The following NRG1 variants were observed in gnomAD, a reference collection of about 807,000 sequenced individuals.
NRG1 encodes the protein neuregulin 1.
A neutral mutation model predicts 63.8 loss-of-function variants in NRG1; 18 were observed. The observed-to-expected ratio is 0.28, with a 90% CI of 0.19 to 0.42. NRG1 has a LOEUF of 0.42. Ranked by LOEUF, NRG1 falls within the 10% of genes least tolerant of loss-of-function variation. The pLI is 1.00. For synonymous variants in NRG1, 302 were observed against 301.3 expected, an observed-to-expected ratio of 1.00 and a Z score of -0.02; for missense variants, 762 against 814.7, an observed-to-expected ratio of 0.94 and a Z score of 0.79.
chr8:32,404,982 C>G (rs951592110), intron 1 of NRG1, among the ~76,000 whole-genome samples: 1 of 152,158 alleles, frequency 6.6e-6, no homozygotes, highest in Non-Finnish European at 1.5e-5. Context: ...GCAAAAAGCT[C>G]TTTTCACGTC....
intron 1 of NRG1, among the ~76,000 whole-genome samples, chr8:32,520,323 C>CTT (rs554244569): frequency 2.1e-5 from 3 of 140,232 alleles, no homozygotes; most frequent in Admixed American, 7.2e-5. Context: ...TGTCCAGCTA[C>CTT]TTTTTTTTTT....
chr8:31,944,430 A>G (rs1045003563), intron 1 of NRG1, among the ~76,000 whole-genome samples: 6 of 152,216 alleles, frequency 3.9e-5, no homozygotes, highest in Admixed American at 3.9e-4. Context: ...GCACACAGCT[A>G]GTAAGAGACA....
intron 1 of NRG1, among the ~76,000 whole-genome samples, chr8:32,008,745 G>C (rs751958517): frequency 6.6e-6 from 1 of 152,080 alleles, no homozygotes; most frequent in Non-Finnish European, 1.5e-5. Context: ...CCCTCTGCTA[G>C]TTTTCTGAAG....
chr8:31,871,025 C>T (rs577832688), intron 1 of NRG1, among the ~76,000 whole-genome samples: 213 of 147,100 alleles, frequency 1.4e-3, no homozygotes, highest in Non-Finnish European at 1.8e-3. Context: ...TTTTTTGAGA[C>T]GGAGTCTCAC....
At position 32,623,396 on chromosome 8, in the gene NRG1, T is replaced by C. The variant is rs774211515; in HGVS notation, c.502+6511T>C. Among the ~76,000 whole-genome samples, 23 of 152,250 alleles carry C rather than the reference T, an allele frequency of 1.5e-4. 1 individual carries two copies. Among genetic ancestry groups the C allele is most frequent in the Non-Finnish European group, 2.9e-4 (20 of 68,042 alleles). ...TTTCAGATGTTTATTGGTCATAACA[T>C]GTGAACCTCTCCTGCCACTGTTGGA... On this transcript the variant is annotated intron_variant, in intron 5 of 11. Coordinates refer to ENST00000356819, the Ensembl canonical transcript of NRG1.
intron 1 of NRG1, among the ~76,000 whole-genome samples, chr8:32,161,722 A>G (rs1303573157): frequency 1.3e-5 from 2 of 152,202 alleles, no homozygotes; most frequent in African/African-American, 4.8e-5. Flanking sequence ...TAAAGAGGAT[A>G]CTCAGGAATC....
intron 1 of NRG1, among the ~76,000 whole-genome samples, chr8:32,384,794 T>C (rs1810775532): frequency 6.6e-6 from 1 of 152,240 alleles, no homozygotes; most frequent in South Asian, 2.1e-4. Flanking sequence ...TAAATCTTGA[T>C]GGATTCAAAA....
At chr8:32,286,736 C>T (rs1215531333) in intron 1 of NRG1, among the ~76,000 whole-genome samples, 1 of 152,276 alleles carries the variant, frequency 6.6e-6, no homozygotes, top group South Asian at 2.1e-4. Flanking sequence ...CGGTGGCTCA[C>T]GCCTGTAATC....
At chr8:32,407,187 G>C (rs1814109824) in intron 1 of NRG1, among the ~76,000 whole-genome samples, 1 of 150,028 alleles carries the variant, frequency 6.7e-6, no homozygotes, top group Admixed American at 6.7e-5. Flanking sequence ...TAAAATTAGT[G>C]TACAAATATT....
In NRG1 at chr8:32,656,583, A is replaced by G. The variant is rs560560188; in HGVS notation, c.502+39698A>G. Reference sequence around the variant, plus strand: ...AAAAATGTATAGTAGTGGGCATAATATATGTATTTTTATTTATTCTTTAAA... The same window carrying G: ...AAAAATGTATAGTAGTGGGCATAATGTATGTATTTTTATTTATTCTTTAAA... On this transcript the variant is annotated intron_variant, in intron 5 of 11. Coordinates refer to ENST00000356819, the Ensembl canonical transcript of NRG1. Among the ~76,000 whole-genome samples, 20 of 152,274 alleles carry G rather than the reference A, an allele frequency of 1.3e-4. No homozygotes were observed. In the South Asian group the frequency reaches 3.1e-3, roughly 24 times the overall value.
At chr8:31,673,819 C>T (rs1807400346) in intron 1 of NRG1, among the ~76,000 whole-genome samples, 1 of 151,946 alleles carries the variant, frequency 6.6e-6, no homozygotes, top group South Asian at 2.1e-4. Context: ...TTAAATATAC[C>T]ATAAAATTCT....
chr8:32,600,142 C>T (rs997584778), intron 2 of NRG1, among the ~76,000 whole-genome samples: 1 of 152,076 alleles, frequency 6.6e-6, no homozygotes, highest in African/African-American at 2.4e-5. Flanking sequence ...CTCTTTTAGC[C>T]AAGCACAGTG....
chr8:32,333,140 A>G (rs1254195881), intron 1 of NRG1, among the ~76,000 whole-genome samples: 5 of 152,206 alleles, frequency 3.3e-5, no homozygotes, highest in Non-Finnish European at 5.9e-5. Flanking sequence ...AGACAGGTTA[A>G]AAATCTATGT....
chr8:31,681,160 T>C (rs955186374), intron 1 of NRG1, among the ~76,000 whole-genome samples: 1 of 151,922 alleles, frequency 6.6e-6, no homozygotes, highest in Non-Finnish European at 1.5e-5. Flanking sequence ...CATAAAAAAA[T>C]CAATTCTGGT....
chr8:31,762,148 G>A (rs1021344520), intron 1 of NRG1, among the ~76,000 whole-genome samples: 2 of 152,116 alleles, frequency 1.3e-5, no homozygotes, highest in African/African-American at 4.8e-5. Flanking sequence ...GGTTACATAG[G>A]TATACATGTG....
At chr8:32,121,861 TAAAA>T (rs1585442934) in intron 1 of NRG1, among the ~76,000 whole-genome samples, 1 of 151,954 alleles carries the variant, frequency 6.6e-6, no homozygotes, top group Non-Finnish European at 1.5e-5. Context: ...TTTGTCCAAA[TAAAA>T]ATATAGACAG....
At chr8:32,060,995 A>C (rs1290182376) in intron 1 of NRG1, among the ~76,000 whole-genome samples, 1 of 151,932 alleles carries the variant, frequency 6.6e-6, no homozygotes, top group Non-Finnish European at 1.5e-5. Flanking sequence ...TCATCCCAAA[A>C]TAGCACACCC....
At chr8:32,375,893 T>A (rs1809562307) in intron 1 of NRG1, among the ~76,000 whole-genome samples, 1 of 152,196 alleles carries the variant, frequency 6.6e-6, no homozygotes, top group African/African-American at 2.4e-5. Context: ...GGTCGGCCCT[T>A]AAAGACAAGG....
intron 1 of NRG1, among the ~76,000 whole-genome samples, chr8:32,157,226 G>C (rs960991124): frequency 1.3e-5 from 2 of 151,200 alleles, no homozygotes; most frequent in African/African-American, 4.9e-5. Context: ...AAAAATTAGC[G>C]TGCTGGCATG....
Sources: allele counts gnomAD v4.1 joint callset (sites outside exome capture counted in the v4.1 genomes callset), GRCh38; gene constraint gnomAD v4.1.1; transcripts MANE v1.5; gene names NCBI Gene and HGNC (gene_info 2026-07-23, HGNC 2026-07-21).